The following ABCA13 variants were observed in gnomAD, a reference collection of about 807,000 sequenced individuals.
ABCA13 encodes the protein ATP binding cassette subfamily A member 13, also known as ATP-binding cassette sub-family A member 13.
ABCA13 carries 476 observed loss-of-function variants against 478.7 expected under a neutral mutation model. The ratio of observed to expected loss-of-function variants is 0.99; its 90% CI spans 0.92 to 1.07. The LOEUF is 1.07. ABCA13 is among the 50% of genes least tolerant of loss of function. The pLI is 0.00. For synonymous variants in ABCA13, 2,252 were observed against 2,158.9 expected (o/e 1.04, Z -1.20); for missense variants, 6,060 against 5,910.6 (o/e 1.03, Z -0.83).
At chr7:48,601,530 T>C (rs1397210495) in intron 58 of ABCA13, among the ~76,000 whole-genome samples, 1 of 152,222 alleles carries the variant, frequency 6.6e-6, no homozygotes, top group African/African-American at 2.4e-5. Context: ...GCTTCATCCA[T>C]GTCCCTGCAA....
At chr7:48,485,993 G>C (rs1357270689) in intron 47 of ABCA13, among the ~76,000 whole-genome samples, 2 of 152,156 alleles carry the variant, frequency 1.3e-5, no homozygotes, top group Non-Finnish European at 1.5e-5. Flanking sequence ...CCTGTGGACA[G>C]CTGGGTTCTT....
intron 47 of ABCA13, among the ~76,000 whole-genome samples, chr7:48,486,809 G>A (rs1413698185): frequency 2.0e-5 from 3 of 152,094 alleles, no homozygotes; most frequent in Non-Finnish European, 4.4e-5. Context: ...GACAGTGGAG[G>A]TCTCAGCTCC....
rs145159167 is a variant in ABCA13, at chr7:48,358,645, A to C, written c.10688+6158A>C. Reference sequence around the variant, plus strand: ...ACACATTCTATGCTGGGATGGATGCAGAGATCAGCACTATGCAGTTCTTGA... The same window carrying C: ...ACACATTCTATGCTGGGATGGATGCCGAGATCAGCACTATGCAGTTCTTGA... On this transcript the variant is annotated intron_variant, in intron 31 of 61. Transcript: ENST00000435803. Among the ~76,000 whole-genome samples the C allele has an allele frequency of 1.0e-3, 157 of 152,140 alleles. 3 individuals carry two copies. The highest frequency in any genetic ancestry group is 3.6e-3 in the African/African-American group (147 of 41,396).
rs367864427 is a variant in ABCA13 at position 48,272,275 on chromosome 7, G to A, written c.2609G>A (p.Ser870Asn). The change falls in exon 17 of 62, where the codon AGT (serine) becomes AAT (asparagine). Residue 870 changes from serine to asparagine, a missense_variant. Coordinates refer to ENST00000435803, the MANE Select transcript of ABCA13 (RefSeq NM_152701.5). Reference protein sequence around the residue: ...SVPENEILSTSFNFSQLFHSD... With the variant: ...SVPENEILSTNFNFSQLFHSD... ...CCAGAAAATGAGATTCTGAGTACAA[G>A]TTTTAACTTTTCCCAGTTGTTCCAT... 19 of 1,613,544 alleles carry A rather than the reference G, an allele frequency of 1.2e-5. No homozygotes were observed. In the African/African-American group the frequency reaches 2.5e-4, roughly 22 times the overall value.
At chr7:48,475,580 C>G (rs1266666506) in intron 45 of ABCA13, among the ~76,000 whole-genome samples, 1 of 150,832 alleles carries the variant, frequency 6.6e-6, no homozygotes, top group Non-Finnish European at 1.5e-5. Context: ...ATTCTTCTGC[C>G]TCAGCCTCCT....
chr7:48,553,984 G>C (rs10260178), intron 55 of ABCA13, among the ~76,000 whole-genome samples: 2 of 151,822 alleles, frequency 1.3e-5, no homozygotes, highest in Non-Finnish European at 1.5e-5. Flanking sequence ...TCTTTCATTC[G>C]TTTGGTTTTA....
chr7:48,399,812 G>C (rs959734212), intron 38 of ABCA13, among the ~76,000 whole-genome samples: 2 of 152,130 alleles, frequency 1.3e-5, no homozygotes, highest in African/African-American at 4.8e-5. Context: ...GCAGAGGTGG[G>C]GAAGGTCACA....
At chr7:48,492,718 T>C (rs1037386860) in intron 48 of ABCA13, among the ~76,000 whole-genome samples, 1 of 152,148 alleles carries the variant, frequency 6.6e-6, no homozygotes, top group Non-Finnish European at 1.5e-5. Flanking sequence ...AATAACTTTT[T>C]TCCTTTATAA....
chr7:48,226,720 T>G (rs962787678), intron 5 of ABCA13, among the ~76,000 whole-genome samples: 1 of 152,120 alleles, frequency 6.6e-6, no homozygotes, highest in Admixed American at 6.5e-5. Context: ...GTTCCTTCTA[T>G]TTTTGCACTT....
rs1795467931 is a variant in ABCA13 at position 48,646,862 on chromosome 7, A to C, written c.*1350A>C. 1 of 152,186 alleles carries C rather than the reference A, an allele frequency of 6.6e-6. No homozygotes were observed. The highest frequency in any genetic ancestry group is 1.5e-5 in the Non-Finnish European group (1 of 68,024). The allele number at this position is 152,186 out of a possible 1,614,324, so 9.4% of individuals were successfully genotyped here. On this transcript the variant is annotated 3_prime_UTR_variant, in exon 62 of 62. Coordinates refer to ENST00000435803, the MANE Select transcript of ABCA13 (RefSeq NM_152701.5). ...TATTTTTAAAAGCTTTGTAAAAATTATGTCATTCTCAGAATTGTTGTCTTC... is the reference window on the plus strand; with the variant it reads ...TATTTTTAAAAGCTTTGTAAAAATTCTGTCATTCTCAGAATTGTTGTCTTC...
At chr7:48,564,135 C>G (rs984061434) in intron 55 of ABCA13, among the ~76,000 whole-genome samples, 1 of 152,044 alleles carries the variant, frequency 6.6e-6, no homozygotes, top group African/African-American at 2.4e-5. Flanking sequence ...GGACCCACAG[C>G]CAGAGGTTCT....
chr7:48,336,470 G>A (rs1489347624), intron 28 of ABCA13, among the ~76,000 whole-genome samples: 1 of 152,180 alleles, frequency 6.6e-6, no homozygotes, highest in Non-Finnish European at 1.5e-5. Flanking sequence ...AAGGAGAGAG[G>A]GAGAGGGTCG....
intron 28 of ABCA13, among the ~76,000 whole-genome samples, chr7:48,338,015 T>C (rs1262060727): frequency 6.6e-6 from 1 of 152,206 alleles, no homozygotes; most frequent in Non-Finnish European, 1.5e-5. Flanking sequence ...ACAACTGGCC[T>C]CTGGGAAAGG....
chr7:48,248,558 G>A, intron 14 of ABCA13, 114 bp downstream of exon 14: 1 of 901,528 alleles, frequency 1.1e-6, no homozygotes, highest in Non-Finnish European at 1.6e-6. Context: ...TGAATAGAAA[G>A]AGGTTCAATT....
chr7:48,180,852 C>A (rs1795597544), intron 1 of ABCA13, among the ~76,000 whole-genome samples: 1 of 152,086 alleles, frequency 6.6e-6, no homozygotes, highest in African/African-American at 2.4e-5. Flanking sequence ...TGGTTAGTCA[C>A]AATCCCCCTA....
At chr7:48,425,592 C>T (rs1483637330) in intron 41 of ABCA13, among the ~76,000 whole-genome samples, 1 of 152,174 alleles carries the variant, frequency 6.6e-6, no homozygotes, top group Non-Finnish European at 1.5e-5. Flanking sequence ...AAACATAGCA[C>T]ATACACCCTA....
intron 31 of ABCA13, among the ~76,000 whole-genome samples, chr7:48,358,890 T>C (rs1810381127): frequency 6.6e-6 from 1 of 152,030 alleles, no homozygotes; most frequent in African/African-American, 2.4e-5. Flanking sequence ...TTTAGACATA[T>C]TGGATCTTGA....
intron 50 of ABCA13, among the ~76,000 whole-genome samples, chr7:48,508,326 T>C (rs532549686): frequency 9.2e-5 from 14 of 152,166 alleles, no homozygotes; most frequent in Non-Finnish European, 1.0e-4. Flanking sequence ...ATGAGAAAAT[T>C]ATTACCTTTA....
rs761463611 is a variant in ABCA13, at chr7:48,249,299, C to T, written c.1953C>T (p.Cys651=). ...TCAAAAAGTTTATCAGGAAGACTTG[C>T]GAAGTGGCCCAATATGTAAATATGC... ...KAFKKFIRKT[C]EVAQYVNMQE... Residue 651 remains cysteine, a synonymous_variant, in exon 15 of 62, where the codon TGC becomes TGT. Coordinates refer to ENST00000435803, the MANE Select transcript of ABCA13 (RefSeq NM_152701.5). 8.1e-6 allele frequency: 13 copies of T among 1,613,100 alleles called. No homozygotes were observed. The highest frequency in any genetic ancestry group is 5.5e-5 in the South Asian group (5 of 91,036).
Sources: allele counts gnomAD v4.1 joint callset (sites outside exome capture counted in the v4.1 genomes callset), GRCh38; gene constraint gnomAD v4.1.1; transcripts MANE v1.5; gene names NCBI Gene and HGNC (gene_info 2026-07-23, HGNC 2026-07-21).